The following SHISA6 variants were observed in gnomAD, a reference collection of about 807,000 sequenced individuals.
The protein encoded by SHISA6 is shisa family member 6.
SHISA6 carries 22 observed loss-of-function variants against 47.9 expected under a neutral mutation model. The ratio of observed to expected loss-of-function variants is 0.46; its 90% CI spans 0.33 to 0.66. The LOEUF (loss-of-function observed/expected upper bound fraction) is 0.66. SHISA6 is among the 30% of genes least tolerant of loss of function. The pLI is 0.02. For missense variants in SHISA6, 680 were observed against 764.6 expected, an observed-to-expected ratio of 0.89 and a Z score of 1.30; for synonymous variants, 388 against 337.8, an observed-to-expected ratio of 1.15 and a Z score of -1.63.
At chr17:11,243,208 C>G (rs1907441216) in intron 1 of SHISA6, among the ~76,000 whole-genome samples, 1 of 151,654 alleles carries the variant, frequency 6.6e-6, no homozygotes, top group Non-Finnish European at 1.5e-5. Context: ...CACCTGAAAA[C>G]CGCCTTCCTC....
At chr17:11,244,258 C>T (rs1483916148) in intron 1 of SHISA6, among the ~76,000 whole-genome samples, 2 of 152,192 alleles carry the variant, frequency 1.3e-5, no homozygotes, top group African/African-American at 2.4e-5. Context: ...TCTCTTCCAG[C>T]AGCTGCAGTC....
chr17:11,335,772 G>A (rs1353323942), intron 2 of SHISA6, among the ~76,000 whole-genome samples: 3 of 152,284 alleles, frequency 2.0e-5, no homozygotes, highest in Non-Finnish European at 2.9e-5. Flanking sequence ...CTCATTGGCC[G>A]GGTGACCTTG....
intron 3 of SHISA6, among the ~76,000 whole-genome samples, chr17:11,514,863 G>A (rs2142357814): frequency 6.6e-6 from 1 of 152,330 alleles, no homozygotes; most frequent in Middle Eastern, 3.4e-3. Context: ...AATCCTTGTA[G>A]TGGCTTCTTT....
chr17:11,457,808 G>A (rs1458002065), intron 3 of SHISA6, among the ~76,000 whole-genome samples: 3 of 151,430 alleles, frequency 2.0e-5, no homozygotes, highest in Admixed American at 6.6e-5. Context: ...TGCCTGGGCC[G>A]GGCACGGTGG....
intron 2 of SHISA6, among the ~76,000 whole-genome samples, chr17:11,296,685 A>T (rs562255816): frequency 4.6e-5 from 7 of 151,948 alleles, no homozygotes; most frequent in Non-Finnish European, 8.8e-5. Flanking sequence ...TGATGGGGGG[A>T]TGTCTCCTAG....
At chr17:11,413,938 T>C (rs919320801) in intron 3 of SHISA6, among the ~76,000 whole-genome samples, 5 of 152,114 alleles carry the variant, frequency 3.3e-5, no homozygotes, top group African/African-American at 1.2e-4. Flanking sequence ...AGGTCATCCA[T>C]CTGCCAGGGA....
At chr17:11,413,165 C>T (rs1459790323) in intron 3 of SHISA6, among the ~76,000 whole-genome samples, 1 of 152,142 alleles carries the variant, frequency 6.6e-6, no homozygotes, top group East Asian at 1.9e-4. Flanking sequence ...TTCCATAAAT[C>T]CCAGGACACT....
chr17:11,457,941 C>A (rs892182705), intron 3 of SHISA6, among the ~76,000 whole-genome samples: 4 of 150,844 alleles, frequency 2.7e-5, no homozygotes, highest in African/African-American at 9.8e-5. Flanking sequence ...AAAAATTAGC[C>A]GGGCTTAGTG....
At chr17:11,532,868 A>C (rs1157561384) in intron 3 of SHISA6, among the ~76,000 whole-genome samples, 1 of 149,228 alleles carries the variant, frequency 6.7e-6, no homozygotes, top group Non-Finnish European at 1.5e-5. Context: ...GGAGCTCCAC[A>C]TCCTTTCCAC....
intron 2 of SHISA6, among the ~76,000 whole-genome samples, chr17:11,283,444 C>A (rs570968698): frequency 1.3e-5 from 2 of 152,290 alleles, no homozygotes; most frequent in Non-Finnish European, 2.9e-5. Flanking sequence ...ATTTCTCCAT[C>A]CTGCCTCTAT....
At chr17:11,302,295 A>G (rs948864905) in intron 2 of SHISA6, among the ~76,000 whole-genome samples, 8 of 152,176 alleles carry the variant, frequency 5.3e-5, no homozygotes. Context: ...GGAGTTGTAG[A>G]GAGTGAAATA....
chr17:11,306,541 G>A (rs1438078157), intron 2 of SHISA6, among the ~76,000 whole-genome samples: 5 of 152,154 alleles, frequency 3.3e-5, no homozygotes, highest in African/African-American at 9.7e-5. Context: ...CATCCTTGGG[G>A]TCTTCGTTTG....
chr17:11,284,573 C>T (rs553022128), intron 2 of SHISA6, among the ~76,000 whole-genome samples: 32 of 152,024 alleles, frequency 2.1e-4, no homozygotes, highest in Non-Finnish European at 4.6e-4. Flanking sequence ...CAGTGTCTGC[C>T]CCATGTTTTT....
chr17:11,542,802 C>T (rs1052760069), intron 3 of SHISA6, among the ~76,000 whole-genome samples: 7 of 152,170 alleles, frequency 4.6e-5, no homozygotes, highest in African/African-American at 7.2e-5. Context: ...TCTGTGAAGA[C>T]CACCTTATTC....
chr17:11,485,461 A>G (rs1006626217), intron 3 of SHISA6, among the ~76,000 whole-genome samples: 4 of 152,166 alleles, frequency 2.6e-5, no homozygotes, highest in African/African-American at 9.7e-5. Flanking sequence ...TCTCACATTA[A>G]CTACCTACAG....
intron 3 of SHISA6, among the ~76,000 whole-genome samples, chr17:11,382,391 C>T (rs1913040972): frequency 1.3e-5 from 2 of 152,108 alleles, no homozygotes; most frequent in Admixed American, 1.3e-4. Context: ...AACTTCCCTT[C>T]TAATGTCAGG....
intron 3 of SHISA6, among the ~76,000 whole-genome samples, chr17:11,460,331 G>A (rs756552615): frequency 5.7e-4 from 86 of 152,030 alleles, no homozygotes; most frequent in Non-Finnish European, 9.3e-4. Context: ...CCTGAGTCCA[G>A]CAGAAAAAAA....
intron 3 of SHISA6, among the ~76,000 whole-genome samples, chr17:11,524,680 G>A (rs921882430): frequency 4.6e-5 from 7 of 151,882 alleles, no homozygotes; most frequent in African/African-American, 1.7e-4. Context: ...TGTATTTTTA[G>A]TCAAGACGGG....
At chr17:11,321,078 T>C (rs1293191720) in intron 2 of SHISA6, among the ~76,000 whole-genome samples, 1 of 152,172 alleles carries the variant, frequency 6.6e-6, no homozygotes, top group Non-Finnish European at 1.5e-5. Flanking sequence ...ATAAGAGGGA[T>C]GAAGTATTTA....
Sources: allele counts gnomAD v4.1 joint callset (sites outside exome capture counted in the v4.1 genomes callset), GRCh38; gene constraint gnomAD v4.1.1; transcripts MANE v1.5; gene names NCBI Gene and HGNC (gene_info 2026-07-23, HGNC 2026-07-21).